RETREG3: variants seen among roughly 807,000 people sequenced by gnomAD.
RETREG3 encodes the protein reticulophagy regulator family member 3, also known as reticulophagy regulator 3.
In RETREG3, 23 loss-of-function variants were observed where a neutral mutation model predicts 50.2. That is an observed-to-expected ratio of 0.46 (90% CI 0.33 to 0.65). The LOEUF is 0.65. Among genes scored for constraint, RETREG3 ranks in the 30% least tolerant of loss-of-function variants. RETREG3 has a pLI of 0.02. For synonymous variants in RETREG3, 240 were observed against 234.4 expected, an observed-to-expected ratio of 1.02 and a Z score of -0.22; for missense variants, 546 against 598.0, an observed-to-expected ratio of 0.91 and a Z score of 0.91.
chr17:42,588,750 G>T (rs2093126372), intron 2 of RETREG3, among the ~76,000 whole-genome samples: 1 of 151,924 alleles, frequency 6.6e-6, no homozygotes, highest in Non-Finnish European at 1.5e-5. Context: ...CTCCACCTCT[G>T]GTGTTCAAGC....
At position 42,602,081 on chromosome 17, in the gene RETREG3, C is replaced by T. The variant is rs150785003; in HGVS notation, c.239+7005G>A. Among the ~76,000 whole-genome samples the T allele has an allele frequency of 2.2e-4, 34 of 152,012 alleles. No individual in the cohort carries two copies. In the East Asian group the frequency reaches 2.5e-3, roughly 11 times the overall value. On this transcript the variant is annotated intron_variant, in intron 1 of 8. Coordinates refer to ENST00000309428, the MANE Select transcript of RETREG3 (RefSeq NM_178126.4). ...CCTGTAATCCCAGCCTTTGGGAGGC[C>T]GAGGCAGGTGGGTCACTTGAGGTCA...
At chr17:42,600,307 A>C (rs1290364044) in intron 1 of RETREG3, among the ~76,000 whole-genome samples, 2 of 152,110 alleles carry the variant, frequency 1.3e-5, no homozygotes, top group Non-Finnish European at 2.9e-5. Flanking sequence ...TGCTAGAGCC[A>C]GAAGGTTGAG....
intron 7 of RETREG3, 112 bp downstream of exon 7, chr17:42,583,386 C>G (rs1484671678): frequency 2.4e-6 from 2 of 845,352 alleles, no homozygotes; most frequent in Non-Finnish European, 1.8e-6. Context: ...GTCTTGGGAA[C>G]AAGGGGAGTC....
intron 1 of RETREG3, among the ~76,000 whole-genome samples, chr17:42,594,825 TG>T (rs2093140614): frequency 6.6e-6 from 1 of 152,024 alleles, no homozygotes; most frequent in Non-Finnish European, 1.5e-5. Flanking sequence ...CACTCCAGGC[TG>T]GGCGACAGAG....
In RETREG3 at chr17:42,581,596, ACT is replaced by A; in HGVS notation, c.*215_*216del. The A allele has an allele frequency of 1.9e-6, 1 of 527,242 alleles. No homozygotes were observed. Among genetic ancestry groups the A allele is most frequent in the South Asian group, 3.0e-5 (1 of 32,958 alleles). 32.7% of individuals were successfully genotyped at this position (527,242 alleles called of 1,614,324 possible). A position where few individuals can be genotyped will look rare whatever the true frequency, so the allele number is the denominator to read the frequency against. On this transcript the variant is annotated 3_prime_UTR_variant, in exon 9 of 9. Transcript: ENST00000309428. ...AGAGAAGCCTCCCTTGGGGGAGCAC[ACT>A]CTCACTTCAGTGACTGAGCTCAGAA...
intron 5 of RETREG3, 23 bp downstream of exon 5, chr17:42,586,030 G>A (rs569757111): frequency 6.2e-7 from 1 of 1,610,768 alleles, no homozygotes; most frequent in African/African-American, 1.3e-5. Context: ...ATACTTTGTA[G>A]GGGAGGTATA....
At chr17:42,591,270 T>C (rs1000847302) in intron 2 of RETREG3, among the ~76,000 whole-genome samples, 2 of 152,148 alleles carry the variant, frequency 1.3e-5, no homozygotes, top group Non-Finnish European at 2.9e-5. Flanking sequence ...TGGTCTATAA[T>C]TGTCACTTAA....
At chr17:42,598,267 C>A (rs1477985694) in intron 1 of RETREG3, among the ~76,000 whole-genome samples, 1 of 152,040 alleles carries the variant, frequency 6.6e-6, no homozygotes. Context: ...AGACGTGAGC[C>A]ACCGCACCCG....
At position 42,580,680 on chromosome 17, in the gene RETREG3, A is replaced by T. The variant is rs8079855; in HGVS notation, c.*1133T>A. ...ACTGGGGTTCAGGCCCCAAGAAATG[A>T]TGGGCTAGATGAGAGGGAGCAGGCC... On this transcript the variant is annotated 3_prime_UTR_variant, in exon 9 of 9. Transcript: ENST00000309428. 1 of 152,090 alleles carries T rather than the reference A, an allele frequency of 6.6e-6. No homozygotes were observed. The highest frequency in any genetic ancestry group is 1.5e-5 in the Non-Finnish European group (1 of 67,934). 9.4% of individuals were successfully genotyped at this position (152,090 alleles called of 1,614,324 possible).
At position 42,582,816 on chromosome 17, in the gene RETREG3, A is replaced by T. The variant is rs2093112733; in HGVS notation, c.811-10T>A. 1.2e-6 allele frequency: 2 copies of T among 1,614,190 alleles called. No homozygotes were observed. The highest frequency in any genetic ancestry group is 1.7e-6 in the Non-Finnish European group (2 of 1,180,008). ...CAGTAGAATCGTCCAGCTTAGGAAA[A>T]GACCAACAAATGTGAGATAATGCCA... On this transcript the variant is annotated splice_polypyrimidine_tract_variant and intron_variant, in intron 7 of 8. Coordinates refer to ENST00000309428, the MANE Select transcript of RETREG3 (RefSeq NM_178126.4).
chr17:42,582,721 G>T lies in RETREG3; in HGVS notation c.896C>A (p.Thr299Lys). ...DAEVSCTDNG[T>K]FNLSRGQTPL... Reference sequence around the variant, plus strand: ...TGTTTGGCCCCTTGAAAGATTGAATGTGCCATTGTCTGTACAGGAGACTTC... The same window carrying T: ...TGTTTGGCCCCTTGAAAGATTGAATTTGCCATTGTCTGTACAGGAGACTTC... Residue 299 changes from threonine (T) to lysine (K), a missense_variant, in exon 8 of 9, where the codon ACA (threonine) becomes AAA (lysine). Transcript: ENST00000309428. 1 of 1,614,242 alleles carries T rather than the reference G, an allele frequency of 6.2e-7. No homozygotes were observed. The highest frequency in any genetic ancestry group is 8.5e-7 in the Non-Finnish European group (1 of 1,180,042).
chr17:42,595,274 CTTTT>C (rs1221557954), intron 1 of RETREG3, among the ~76,000 whole-genome samples: 4 of 149,698 alleles, frequency 2.7e-5, no homozygotes, highest in Non-Finnish European at 5.9e-5. Context: ...GCCTTTTGTA[CTTTT>C]TTTTTGAGAC....
chr17:42,586,797 C>T lies in RETREG3; in HGVS notation c.472G>A (p.Val158Ile), dbSNP rs2093122177. ...GGGTTTTGCTTTTTGAAAAGCAAAA[C>T]ATTCCTTATGAAAATGGTCCCACTA... ...WVSGTIFIRN[V>I]LLFKKQNPGK... is the part of the protein sequence containing the mutation. Residue 158 changes from valine (V) to isoleucine (I), a missense_variant, in exon 4 of 9, where the codon GTT becomes ATT. Val to Ile is a conservative substitution (Grantham distance 29). Transcript: ENST00000309428. 2.5e-6 allele frequency: 4 copies of T among 1,613,872 alleles called. No homozygotes were observed. In the South Asian group the frequency reaches 4.4e-5, roughly 18 times the overall value.
At chr17:42,597,613 ATATATATTTTTTTTTTTTTT>A (rs1567925535) in intron 1 of RETREG3, among the ~76,000 whole-genome samples, 45 of 53,744 alleles carry the variant, frequency 8.4e-4, no homozygotes, top group African/African-American at 4.0e-3. Context: ...ATATATATAT[ATATATATTTTTTTTTTTTTT>A]TTTTTTTTTT....
chr17:42,597,546 G>A (rs150547993), intron 1 of RETREG3, among the ~76,000 whole-genome samples: 1,309 of 105,648 alleles, frequency 0.012, 51 homozygotes, highest in African/African-American at 0.047. Context: ...TATATATTTC[G>A]TATATATATT....
intron 1 of RETREG3, among the ~76,000 whole-genome samples, chr17:42,593,704 C>T (rs2093137891): frequency 2.0e-5 from 3 of 149,642 alleles, no homozygotes; most frequent in South Asian, 4.3e-4. Context: ...ATTGAGAACA[C>T]ATCTAATGAT....
At chr17:42,586,180 G>T in intron 4 of RETREG3, 43 bp from the exon 5 acceptor site, 1 of 1,593,358 alleles carries the variant, frequency 6.3e-7, no homozygotes, top group Non-Finnish European at 8.6e-7. Context: ...TCACATGGCA[G>T]GGGACTGGGG....
Position 42,595,988 on chromosome 17 carries a change from A to G in RETREG3, c.240-3826T>C, listed in dbSNP as rs190134561. On this transcript the variant is annotated intron_variant, in intron 1 of 8. Coordinates refer to ENST00000309428, the MANE Select transcript of RETREG3 (RefSeq NM_178126.4). Reference sequence around the variant, plus strand: ...CAGGCTATCACAGTCCCCAAACTGAATAATTCATGTGTGAATTTCCAGAGT... The same window carrying G: ...CAGGCTATCACAGTCCCCAAACTGAGTAATTCATGTGTGAATTTCCAGAGT... Among the ~76,000 whole-genome samples the G allele has an allele frequency of 7.6e-4, 116 of 152,224 alleles. 1 individual carries two copies. The highest frequency in any genetic ancestry group is 2.7e-3 in the African/African-American group (113 of 41,576).
chr17:42,598,988 C>T (rs1453391711), intron 1 of RETREG3: 1 of 151,880 alleles, frequency 6.6e-6, no homozygotes, highest in Non-Finnish European at 1.5e-5. Context: ...GGAAAACCAA[C>T]CTTCTTAGGA....
Sources: gnomAD v4.1 joint callset for allele counts (sites outside exome capture counted in the v4.1 genomes callset) on GRCh38, gnomAD v4.1.1 for gene constraint, MANE v1.5 for transcripts, NCBI Gene and HGNC (gene_info 2026-07-23, HGNC 2026-07-21) for gene names.